The following EPS15 variants were observed in gnomAD, a reference collection of about 807,000 sequenced individuals.
The protein encoded by EPS15 is epidermal growth factor receptor substrate 15.
In EPS15, 72 loss-of-function variants were observed where a neutral mutation model predicts 113.8. The observed-to-expected ratio is 0.63, with a 90% CI of 0.52 to 0.77. The LOEUF (loss-of-function observed/expected upper bound fraction) is 0.77. Ranked by LOEUF, EPS15 falls within the 30% of genes least tolerant of loss-of-function variation. The pLI, the probability that EPS15 is intolerant of heterozygous loss-of-function variation, is 0.00. For missense variants in EPS15, 1,048 were observed against 1,045.8 expected (o/e 1.00, Z -0.03); for synonymous variants, 344 against 363.4 (o/e 0.95, Z 0.61).
intron 13 of EPS15, among the ~76,000 whole-genome samples, chr1:51,420,197 G>C (rs1330604119): frequency 6.6e-6 from 1 of 152,034 alleles, no homozygotes; most frequent in African/African-American, 2.4e-5. Context: ...AAGTAAGAAG[G>C]GCAAGCAAAT....
chr1:51,509,392 T>TAACTAA (rs1644579854), intron 1 of EPS15, among the ~76,000 whole-genome samples: 3 of 152,166 alleles, frequency 2.0e-5, no homozygotes, highest in Non-Finnish European at 4.4e-5. Flanking sequence ...ATGGCTCATA[T>TAACTAA]AACTAAAATC....
intron 23 of EPS15, among the ~76,000 whole-genome samples, chr1:51,362,774 C>G (rs1413768311): frequency 2.0e-5 from 3 of 151,988 alleles, no homozygotes; most frequent in Admixed American, 6.6e-5. Flanking sequence ...ACTACTGAGA[C>G]TGAAAATTTC....
At position 51,394,195 on chromosome 1, in the gene EPS15, A is replaced by C. The variant is rs1570182971; in HGVS notation, c.2119+186T>G. On this transcript the variant is annotated intron_variant, in intron 21 of 24. Transcript: ENST00000371733. ...GTGTAATATTCAACATGAATAATAA[A>C]TGAAAGAATGAAAGATAAGTAGAAA... is the stretch of plus-strand genomic sequence containing the variant. 4 of 452,528 alleles carry C rather than the reference A, an allele frequency of 8.8e-6. No individual in the cohort carries two copies. The East Asian group carries it at 1.1e-4, about 12-fold the overall frequency. 28.0% of individuals were successfully genotyped at this position (452,528 alleles called of 1,614,324 possible).
chr1:51,487,922 A>G (rs1343391790), intron 1 of EPS15, among the ~76,000 whole-genome samples: 1 of 152,202 alleles, frequency 6.6e-6, no homozygotes, highest in Non-Finnish European at 1.5e-5. Flanking sequence ...TTGTCGGACT[A>G]TGAACATGAT....
chr1:51,384,377 T>C (rs1210286082), intron 21 of EPS15, among the ~76,000 whole-genome samples: 1 of 147,484 alleles, frequency 6.8e-6, no homozygotes, highest in Non-Finnish European at 1.5e-5. Context: ...CTTGGCTCAC[T>C]GTAATCTCTG....
chr1:51,436,424 T>C (rs1260792931), intron 12 of EPS15, among the ~76,000 whole-genome samples: 1 of 152,104 alleles, frequency 6.6e-6, no homozygotes, highest in East Asian at 1.9e-4. Context: ...AGAAGACAGA[T>C]TTCAACAATA....
intron 23 of EPS15, among the ~76,000 whole-genome samples, 178 bp from the exon 24 acceptor site, chr1:51,361,533 C>A (rs543494079): frequency 2.0e-5 from 3 of 152,352 alleles, no homozygotes; most frequent in African/African-American, 7.2e-5. Context: ...ATTCTTCACA[C>A]ATGATCTCTC....
chr1:51,450,103 A>C (rs2148485864), intron 8 of EPS15, among the ~76,000 whole-genome samples: 1 of 151,558 alleles, frequency 6.6e-6, no homozygotes, highest in South Asian at 2.1e-4. Context: ...GAATTTGGAG[A>C]GGATGTGTTC....
chr1:51,390,955 C>G, intron 21 of EPS15, among the ~76,000 whole-genome samples: 3 of 152,066 alleles, frequency 2.0e-5, no homozygotes, highest in African/African-American at 7.3e-5. Flanking sequence ...CCAGCCATCC[C>G]ATTACTGGGT....
chr1:51,397,698 A>G (rs1289538467), intron 20 of EPS15, among the ~76,000 whole-genome samples: 1 of 152,252 alleles, frequency 6.6e-6, no homozygotes, highest in Admixed American at 6.5e-5. Flanking sequence ...GTTCTTAGCC[A>G]AGCAGCTCTT....
intron 12 of EPS15, among the ~76,000 whole-genome samples, chr1:51,432,298 TTATG>T (rs71063032): frequency 0.098 from 14,321 of 145,900 alleles, 1,435 homozygotes; most frequent in African/African-American, 0.26. Flanking sequence ...GCCACATAGA[TTATG>T]TATGTATGTA....
At position 51,403,420 on chromosome 1, in the gene EPS15, T is replaced by G; in HGVS notation, c.1790A>C (p.Glu597Ala). The G allele has an allele frequency of 6.5e-7, 1 of 1,546,188 alleles. No homozygotes were observed. The highest frequency in any genetic ancestry group is 8.9e-7 in the Non-Finnish European group (1 of 1,125,500). ...SELDNNRHSK[E>A]EDPFNVDSSS... ...TGTAAATATAAAATCATTTTTTACC[T>G]CTTTTGAATGTCTATTATTGTCGAG... The change falls in exon 17 of 25, where the codon GAG (glutamate) becomes GCG (alanine). Residue 597 changes from glutamate (E) to alanine (A), a missense_variant and splice_region_variant. Glu to Ala is a moderately radical substitution (Grantham distance 107, BLOSUM62 -1). Transcript: ENST00000371733.
chr1:51,454,661 A>G (rs994646062), intron 8 of EPS15, among the ~76,000 whole-genome samples: 4 of 152,182 alleles, frequency 2.6e-5, no homozygotes, highest in Non-Finnish European at 5.9e-5. Flanking sequence ...GCAAGGCAAG[A>G]CTGACAAACT....
intron 1 of EPS15, among the ~76,000 whole-genome samples, chr1:51,499,589 G>A (rs544451997): frequency 6.6e-6 from 1 of 151,984 alleles, no homozygotes; most frequent in African/African-American, 2.4e-5. Context: ...CATGCACAAG[G>A]GTTCCAGTAT....
At chr1:51,506,736 G>A (rs1192871073) in intron 1 of EPS15, among the ~76,000 whole-genome samples, 1 of 150,892 alleles carries the variant, frequency 6.6e-6, no homozygotes, top group African/African-American at 2.4e-5. Context: ...GTGCCAGATG[G>A]TCCAGAATCC....
At chr1:51,482,494 T>TG (rs1327589234) in intron 1 of EPS15, among the ~76,000 whole-genome samples, 3 of 151,762 alleles carry the variant, frequency 2.0e-5, no homozygotes, top group Non-Finnish European at 4.4e-5. Context: ...TAAAAAAAAA[T>TG]GAAGTCGCCC....
intron 20 of EPS15, among the ~76,000 whole-genome samples, chr1:51,396,416 C>T (rs1647945180): frequency 6.6e-6 from 1 of 152,034 alleles, no homozygotes; most frequent in Admixed American, 6.6e-5. Flanking sequence ...AATCTGAAAA[C>T]GTGAAATGCT....
At chr1:51,366,391 T>C (rs945365493) in intron 21 of EPS15, among the ~76,000 whole-genome samples, 7 of 152,206 alleles carry the variant, frequency 4.6e-5, no homozygotes, top group Non-Finnish European at 1.0e-4. Flanking sequence ...TCATGTTTTC[T>C]TTTGGTTAAT....
At chr1:51,364,087 T>C (rs1301939798) in intron 22 of EPS15, 59 bp from the exon 23 acceptor site, 10 of 1,287,686 alleles carry the variant, frequency 7.8e-6, no homozygotes, top group South Asian at 1.6e-5. Context: ...GGTAGTCATG[T>C]AGCATTCAGA....
Sources: allele counts gnomAD v4.1 joint callset (sites outside exome capture counted in the v4.1 genomes callset), GRCh38; gene constraint gnomAD v4.1.1; transcripts MANE v1.5; gene names NCBI Gene and HGNC (gene_info 2026-07-23, HGNC 2026-07-21).